BAZ1A: variants seen among roughly 807,000 people sequenced by gnomAD.
BAZ1A encodes the protein bromodomain adjacent to zinc finger domain protein 1A.
In BAZ1A, 50 loss-of-function variants were observed where a neutral mutation model predicts 185.2. The observed-to-expected ratio is 0.27, with a 90% confidence interval of 0.22 to 0.34. BAZ1A has a LOEUF of 0.34. Ranked by LOEUF, BAZ1A falls within the 10% of genes least tolerant of loss-of-function variation. BAZ1A has a pLI of 1.00. For synonymous variants in BAZ1A, 571 were observed against 615.6 expected, an observed-to-expected ratio of 0.93 and a Z score of 1.07; for missense variants, 1,356 against 1,839.9, an observed-to-expected ratio of 0.74 and a Z score of 4.81.
chr14:34,775,873 T>G (rs201430294), intron 18 of BAZ1A, 46 bp downstream of exon 18: 124 of 1,459,000 alleles, frequency 8.5e-5, no homozygotes, highest in Non-Finnish European at 1.1e-4. Flanking sequence ...GACCAGAGAT[T>G]AGGGGGAGGG....
chr14:34,765,201 A>G lies in BAZ1A; in HGVS notation c.3369T>C (p.Ser1123=). ...GAAGAAAAACTTGGGATAGACTAGCAGAAGAAAGGAGAGACTCTCTCCAAC... is the reference window on the plus strand; with the variant it reads ...GAAGAAAAACTTGGGATAGACTAGCGGAAGAAAGGAGAGACTCTCTCCAAC... ...LDRWRESLLS[S]ASLSQVFLHL... The change falls in exon 22 of 27, where the codon TCT becomes TCC. Residue 1123 remains serine, a synonymous_variant. Transcript: ENST00000360310. The G allele has an allele frequency of 6.2e-7, 1 of 1,614,194 alleles. No homozygotes were observed. The highest frequency in any genetic ancestry group is 8.5e-7 in the Non-Finnish European group (1 of 1,180,032).
At chr14:34,758,452 T>A (rs573102138) in intron 25 of BAZ1A, 42 of 347,498 alleles carry the variant, frequency 1.2e-4, no homozygotes, top group African/African-American at 6.9e-4. Context: ...TGGTGGTGTG[T>A]GCCTGTAATC....
Position 34,801,404 on chromosome 14 carries a change from C to G in BAZ1A, c.862-211G>C, listed in dbSNP as rs1462567200. 2.0e-5 allele frequency among the ~76,000 whole-genome samples: 3 copies of G among 152,114 alleles called. No individual in the cohort carries two copies. The East Asian group carries it at 5.8e-4, about 29-fold the overall frequency. On this transcript the variant is annotated intron_variant, in intron 7 of 26. Transcript: ENST00000360310. ...CCTCCTGGGCTCAAGTGATTCTTCT[C>G]CCTCAGCCTCTCGAGTAGCTGGGAT...
intron 2 of BAZ1A, among the ~76,000 whole-genome samples, chr14:34,866,502 A>AAAAAAAAAAGAAAAAAAGAAAG: frequency 1.3e-5 from 1 of 79,538 alleles, no homozygotes. Flanking sequence ...AAAAAAAAAA[A>AAAAAAAAAAGAAAAAAAGAAAG]GAAAAAAGTT....
chr14:34,836,374 G>A (rs1033774845), intron 3 of BAZ1A, among the ~76,000 whole-genome samples: 3 of 13,362 alleles, frequency 2.2e-4, no homozygotes, highest in South Asian at 5.3e-3. Flanking sequence ...GCGAGACTCC[G>A]TCTCAAAAAA....
intron 12 of BAZ1A, among the ~76,000 whole-genome samples, chr14:34,789,019 A>T (rs549185730): frequency 6.6e-6 from 1 of 152,342 alleles, no homozygotes; most frequent in Non-Finnish European, 1.5e-5. Flanking sequence ...AGGAGAAGCT[A>T]TCTATAAAAT....
chr14:34,784,618 C>T (rs987996919), intron 14 of BAZ1A, among the ~76,000 whole-genome samples: 2 of 149,358 alleles, frequency 1.3e-5, no homozygotes, highest in East Asian at 2.1e-4. Context: ...TCCGGGTTCA[C>T]GCCATTCTCC....
intron 3 of BAZ1A, among the ~76,000 whole-genome samples, chr14:34,846,395 C>T (rs2042512618): frequency 6.6e-6 from 1 of 152,192 alleles, no homozygotes; most frequent in Non-Finnish European, 1.5e-5. Context: ...TTACCAAGGA[C>T]TTTCTTATGA....
chr14:34,842,605 AAT>A (rs1182497500), intron 3 of BAZ1A, among the ~76,000 whole-genome samples: 3 of 152,198 alleles, frequency 2.0e-5, no homozygotes, highest in East Asian at 1.9e-4. Context: ...AAAATTATAA[AAT>A]AGTCAAGTAA....
At chr14:34,833,460 G>C (rs574286804) in intron 3 of BAZ1A, among the ~76,000 whole-genome samples, 1 of 152,080 alleles carries the variant, frequency 6.6e-6, no homozygotes, top group Non-Finnish European at 1.5e-5. Flanking sequence ...CCCAGGAGGC[G>C]GAGGTTGCAG....
chr14:34,827,584 A>T lies in BAZ1A; in HGVS notation c.393-1428T>A, dbSNP rs568759736. Among the ~76,000 whole-genome samples, 12 of 152,012 alleles carry T rather than the reference A, an allele frequency of 7.9e-5. No homozygotes were observed. The South Asian group carries it at 2.5e-3, about 32-fold the overall frequency. ...CCCCATCTCTACTAAAAATACAAAA[A>T]ATTAGCCAGGCGTGGTGGCGGGTGC... On this transcript the variant is annotated intron_variant, in intron 3 of 26. Coordinates refer to ENST00000360310, the MANE Select transcript of BAZ1A (RefSeq NM_013448.3).
At chr14:34,813,301 AG>A (rs1312194631) in intron 4 of BAZ1A, among the ~76,000 whole-genome samples, 3 of 152,102 alleles carry the variant, frequency 2.0e-5, no homozygotes, top group Non-Finnish European at 4.4e-5. Context: ...CTGAGATGGG[AG>A]GACCACTTGA....
At chr14:34,813,049 C>T (rs1255698409) in intron 4 of BAZ1A, among the ~76,000 whole-genome samples, 1 of 151,980 alleles carries the variant, frequency 6.6e-6, no homozygotes, top group Admixed American at 6.6e-5. Context: ...AGCACTGTTC[C>T]AAGAGGACAG....
chr14:34,808,978 G>A (rs991632080), intron 5 of BAZ1A, among the ~76,000 whole-genome samples: 2 of 152,134 alleles, frequency 1.3e-5, no homozygotes, highest in Non-Finnish European at 2.9e-5. Flanking sequence ...AAAGTATTTG[G>A]AGAAAATAAA....
Position 34,753,679 on chromosome 14 carries a change from T to C in BAZ1A, c.4500A>G (p.Leu1500=). 5 of 1,593,764 alleles carry C rather than the reference T, an allele frequency of 3.1e-6. No homozygotes were observed. Among genetic ancestry groups the C allele is most frequent in the Non-Finnish European group, 4.3e-6 (5 of 1,164,304 alleles). Residue 1500 remains leucine (L), a synonymous_variant, in exon 27 of 27, where the codon TTA becomes TTG. Transcript: ENST00000360310. ...TGTATTCAAAGCAGTTCGAAAACAT[T>C]AACTCAATGTCATCAATAAACTCAG... ...LASEFIDDIE[L]MFSNCFEYNP...
intron 12 of BAZ1A, among the ~76,000 whole-genome samples, chr14:34,789,644 G>A (rs756374672): frequency 9.2e-5 from 14 of 152,122 alleles, no homozygotes; most frequent in Non-Finnish European, 1.5e-4. Context: ...ACTTTGAAGG[G>A]CTTTTTAGTT....
chr14:34,853,083 T>C (rs971598688), intron 3 of BAZ1A, among the ~76,000 whole-genome samples: 4 of 152,188 alleles, frequency 2.6e-5, no homozygotes, highest in African/African-American at 9.6e-5. Context: ...ATCTGTTTCC[T>C]CATCTGTAAA....
At chr14:34,849,226 G>T in intron 3 of BAZ1A, among the ~76,000 whole-genome samples, 1 of 152,196 alleles carries the variant, frequency 6.6e-6, no homozygotes, top group East Asian at 1.9e-4. Context: ...GAAGTTCAAA[G>T]CTGCAGTGAG....
At position 34,810,958 on chromosome 14, in the gene BAZ1A, A is replaced by C. The variant is rs2041920813; in HGVS notation, c.615T>G (p.Ala205=). Residue 205 remains alanine, a synonymous_variant, in exon 5 of 27, where the codon GCT becomes GCG. Coordinates refer to ENST00000360310, the MANE Select transcript of BAZ1A (RefSeq NM_013448.3). ...ACCTGATTTGTGTTGCTTTAACAAT[A>C]GCAGACTCATGTAATTCTTTTTTAG... ...QPTKKELHES[A]IVKATQISRR... The C allele has an allele frequency of 3.7e-6, 6 of 1,608,702 alleles. No individual in the cohort carries two copies. Among genetic ancestry groups the C allele is most frequent in the Non-Finnish European group, 5.1e-6 (6 of 1,176,374 alleles).
Sources: allele counts gnomAD v4.1 joint callset (sites outside exome capture counted in the v4.1 genomes callset), GRCh38; gene constraint gnomAD v4.1.1; transcripts MANE v1.5; gene names NCBI Gene and HGNC (gene_info 2026-07-23, HGNC 2026-07-21).